EDA: variants seen among roughly 807,000 people sequenced by gnomAD.
EDA encodes the protein ectodysplasin-A.
A neutral mutation model predicts 23.6 loss-of-function variants in EDA; 2 were observed. The observed-to-expected ratio is 0.08, with a 90% CI of 0.03 to 0.27. The LOEUF is 0.27. Among genes scored for constraint, EDA ranks in the 10% least tolerant of loss-of-function variants. EDA has a pLI of 1.00. For missense variants in EDA, 229 were observed against 324.2 expected, an observed-to-expected ratio of 0.71 and a Z score of 2.26; for synonymous variants, 131 against 132.0, an observed-to-expected ratio of 0.99 and a Z score of 0.05.
intron 1 of EDA, among the ~76,000 whole-genome samples, chrX:69,938,450 G>A (rs1018264199): frequency 3.6e-5 from 4 of 111,418 alleles, no homozygotes; most frequent in Non-Finnish European, 7.5e-5. Context: ...TTTTAAAATC[G>A]AATTATTAGA....
At chrX:69,680,673 G>A in intron 1 of EDA, among the ~76,000 whole-genome samples, 1 of 66,856 alleles carries the variant, frequency 1.5e-5, no homozygotes, top group African/African-American at 7.3e-5. Flanking sequence ...CCATTTGCTT[G>A]GTAGATCTTC....
chrX:69,767,915 A>C (rs1385522910), intron 1 of EDA, among the ~76,000 whole-genome samples: 1 of 111,957 alleles, frequency 8.9e-6, no homozygotes, highest in Non-Finnish European at 1.9e-5. Context: ...ATTTCATGCT[A>C]AGAAGTTTTA....
intron 1 of EDA, among the ~76,000 whole-genome samples, chrX:69,682,073 A>T (rs936876843): frequency 4.5e-5 from 5 of 111,408 alleles, no homozygotes; most frequent in African/African-American, 9.8e-5. Context: ...CTGTTGGAGT[A>T]CCTGGCCGTG....
intron 1 of EDA, among the ~76,000 whole-genome samples, chrX:69,792,334 G>A (rs2015427116): frequency 8.9e-6 from 1 of 112,128 alleles, no homozygotes; most frequent in South Asian, 3.7e-4. Flanking sequence ...GTTCCATGGT[G>A]CATATATACC....
intron 1 of EDA, among the ~76,000 whole-genome samples, chrX:69,887,161 A>C (rs1350973315): frequency 9.0e-6 from 1 of 111,195 alleles, no homozygotes; most frequent in African/African-American, 3.3e-5. Flanking sequence ...AAAAATAATT[A>C]ACTGGACATG....
In EDA at chrX:69,988,334, A is replaced by G. The variant is rs190647495; in HGVS notation, c.502+31202A>G. Among the ~76,000 whole-genome samples the G allele has an allele frequency of 2.7e-5, 3 of 112,036 alleles. No homozygotes were observed. The East Asian group carries it at 8.5e-4, about 32-fold the overall frequency. ...TTAGAAGAATAAGACCTAGTATTTAATCATACAACAGAGGGACTATAGTCA... is the reference window on the plus strand; with the variant it reads ...TTAGAAGAATAAGACCTAGTATTTAGTCATACAACAGAGGGACTATAGTCA... On this transcript the variant is annotated intron_variant, in intron 2 of 7. Transcript: ENST00000374552.
intron 1 of EDA, among the ~76,000 whole-genome samples, chrX:69,789,961 T>G (rs776859030): frequency 6.3e-5 from 7 of 111,979 alleles, no homozygotes; most frequent in African/African-American, 2.3e-4. Context: ...AGATTTCTGA[T>G]TCCCAGGCCT....
intron 1 of EDA, among the ~76,000 whole-genome samples, chrX:69,932,627 CAT>C (rs2018614354): frequency 1.8e-5 from 2 of 111,577 alleles, no homozygotes; most frequent in Non-Finnish European, 3.8e-5. Context: ...TTTAAATTGC[CAT>C]ATGATTATTT....
At chrX:69,834,895 G>C (rs748738501) in intron 1 of EDA, among the ~76,000 whole-genome samples, 34 of 111,634 alleles carry the variant, frequency 3.0e-4, no homozygotes, top group African/African-American at 1.1e-3. Context: ...AGGAGCTCTT[G>C]TAAGGCAGGC....
intron 1 of EDA, among the ~76,000 whole-genome samples, chrX:69,816,175 CA>C (rs1003003687): frequency 9.0e-6 from 1 of 111,484 alleles, no homozygotes; most frequent in African/African-American, 3.3e-5. Flanking sequence ...AAGGACCCCA[CA>C]AAAACCTCAT....
At chrX:69,942,351 C>T (rs944773735) in intron 1 of EDA, among the ~76,000 whole-genome samples, 1 of 111,502 alleles carries the variant, frequency 9.0e-6, no homozygotes. Context: ...GAAGTACTCC[C>T]TTTAGCATTT....
intron 7 of EDA, 103 bp downstream of exon 7, chrX:70,033,631 A>C: frequency 5.1e-6 from 5 of 977,291 alleles, no homozygotes; most frequent in African/African-American, 1.9e-5. Flanking sequence ...CCAATGGCTA[A>C]CTTCCTGCTT....
intron 1 of EDA, among the ~76,000 whole-genome samples, chrX:69,834,601 G>A (rs771792948): frequency 2.9e-5 from 3 of 102,575 alleles, no homozygotes; most frequent in East Asian, 3.1e-4. Flanking sequence ...TTGAGCCTAT[G>A]TGTGTCTCTG....
At chrX:69,833,883 A>G (rs1323545940) in intron 1 of EDA, among the ~76,000 whole-genome samples, 1 of 109,343 alleles carries the variant, frequency 9.1e-6, no homozygotes, top group Non-Finnish European at 1.9e-5. Flanking sequence ...TACAGGTGCC[A>G]TGTTAGTGTG....
intron 1 of EDA, among the ~76,000 whole-genome samples, chrX:69,699,812 G>A (rs1044834495): frequency 1.1e-4 from 12 of 110,634 alleles, no homozygotes; most frequent in African/African-American, 3.9e-4. Context: ...AGTCTGCGCA[G>A]GGTTTAAAGG....
chrX:69,863,523 ATGTG>A (rs199661484), intron 1 of EDA, among the ~76,000 whole-genome samples: 1 of 61,289 alleles, frequency 1.6e-5, no homozygotes, highest in East Asian at 3.1e-4. Flanking sequence ...ATGTATATAT[ATGTG>A]TGTGTATATA....
intron 1 of EDA, among the ~76,000 whole-genome samples, chrX:69,908,583 G>C (rs142807964): frequency 1.6e-3 from 181 of 110,127 alleles, no homozygotes; most frequent in African/African-American, 5.6e-3. Context: ...CATACTTCAG[G>C]AATCACTGGA....
intron 1 of EDA, among the ~76,000 whole-genome samples, chrX:69,681,026 A>C (rs1419014907): frequency 9.2e-6 from 1 of 108,792 alleles, no homozygotes; most frequent in South Asian, 4.3e-4. Flanking sequence ...GGTGGTGACA[A>C]AATCTCTCAG....
At chrX:70,007,729 C>T (rs2019822119) in intron 2 of EDA, among the ~76,000 whole-genome samples, 1 of 111,359 alleles carries the variant, frequency 9.0e-6, no homozygotes, top group Non-Finnish European at 1.9e-5. Context: ...TATCCACGAA[C>T]ATTGATCATG....
Sources: gnomAD v4.1 joint callset for allele counts (sites outside exome capture counted in the v4.1 genomes callset) on GRCh38, gnomAD v4.1.1 for gene constraint, MANE v1.5 for transcripts, NCBI Gene and HGNC (gene_info 2026-07-23, HGNC 2026-07-21) for gene names.